The following KLF7 variants were observed in gnomAD, a reference collection of about 807,000 sequenced individuals.
The protein encoded by KLF7 is KLF transcription factor 7.
Under a neutral mutation model 27.3 loss-of-function variants are expected in KLF7, and 2 were observed. The observed-to-expected ratio is 0.07, with a 90% CI of 0.03 to 0.23. KLF7 has a LOEUF of 0.23. Ranked by LOEUF, KLF7 falls within the 10% of genes least tolerant of loss-of-function variation. The probability of loss-of-function intolerance (pLI) is 1.00; values close to 1 mark genes in which losing one functional copy is unlikely to be tolerated. For missense variants in KLF7, 221 were observed against 394.1 expected (o/e 0.56, Z 3.72); for synonymous variants, 165 against 162.4 (o/e 1.02, Z -0.12).
intron 3 of KLF7, among the ~76,000 whole-genome samples, chr2:207,087,744 C>T (rs1284291252): frequency 1.3e-5 from 2 of 152,188 alleles, no homozygotes; most frequent in Non-Finnish European, 2.9e-5. Flanking sequence ...TCACCTTGGC[C>T]TGCAGAGTCT....
Position 207,124,218 on chromosome 2 carries a change from T to A in KLF7, c.289A>T (p.Ile97Phe), listed in dbSNP as rs373445474. ...AICEKSSAVD[I>F]LLSRDKLLSE... ...AGCAACTTGTCCCGAGAGAGCAAGA[T>A]GTCCACTGCCGAGCTCTTCTCACAG... Residue 97 changes from isoleucine (I) to phenylalanine (F), a missense_variant, in exon 2 of 4, where the codon ATC becomes TTC. Transcript: ENST00000309446. 6.8e-6 allele frequency: 11 copies of A among 1,613,942 alleles called. No individual in the cohort carries two copies. The highest frequency in any genetic ancestry group is 1.7e-5 in the Admixed American group (1 of 59,998).
intron 1 of KLF7, among the ~76,000 whole-genome samples, chr2:207,164,960 C>T (rs572925738): frequency 3.2e-4 from 48 of 152,182 alleles, no homozygotes; most frequent in African/African-American, 1.1e-3. Context: ...TTGACACTCG[C>T]TAATTACTGA....
intron 2 of KLF7, among the ~76,000 whole-genome samples, chr2:207,110,245 C>G (rs960222405): frequency 6.6e-6 from 1 of 152,228 alleles, no homozygotes; most frequent in Non-Finnish European, 1.5e-5. Context: ...CAGTATGCTC[C>G]TCATGGTGCT....
chr2:207,085,204 C>T (rs940721637), intron 3 of KLF7, among the ~76,000 whole-genome samples: 2 of 131,232 alleles, frequency 1.5e-5, no homozygotes, highest in African/African-American at 5.7e-5. Context: ...GGCACACTAA[C>T]GTCACATAGG....
At chr2:207,161,633 T>C (rs1275239947) in intron 1 of KLF7, among the ~76,000 whole-genome samples, 1 of 152,214 alleles carries the variant, frequency 6.6e-6, no homozygotes, top group Non-Finnish European at 1.5e-5. Context: ...ATCCCATCCC[T>C]GGTACCATGA....
intron 2 of KLF7, among the ~76,000 whole-genome samples, chr2:207,105,963 T>G (rs960432320): frequency 1.3e-5 from 2 of 152,190 alleles, no homozygotes; most frequent in Non-Finnish European, 2.9e-5. Flanking sequence ...GATAAGGAAA[T>G]GTAAAACAGC....
intron 2 of KLF7, among the ~76,000 whole-genome samples, chr2:207,099,681 C>T (rs2076718871): frequency 6.7e-6 from 1 of 149,186 alleles, no homozygotes; most frequent in Non-Finnish European, 1.5e-5. Context: ...CTTCAGCATC[C>T]TAAATTTGTT....
intron 3 of KLF7, among the ~76,000 whole-genome samples, chr2:207,087,040 A>G (rs2076404688): frequency 6.6e-6 from 1 of 152,258 alleles, no homozygotes; most frequent in Non-Finnish European, 1.5e-5. Context: ...AAGATGGGGA[A>G]TAAGGAGAAA....
upstream of KLF7, chr2:207,166,129 C>G: frequency 1.0e-6 from 1 of 984,910 alleles, no homozygotes; most frequent in Non-Finnish European, 1.2e-6. Flanking sequence ...TCCCTCCCTC[C>G]GTTCGGTTCT....
chr2:207,112,676 A>C (rs1428114035), intron 2 of KLF7, among the ~76,000 whole-genome samples: 1 of 152,224 alleles, frequency 6.6e-6, no homozygotes, highest in Non-Finnish European at 1.5e-5. Context: ...ATTTAAAGTG[A>C]AATCTCCTTG....
chr2:207,142,336 C>T (rs548146346), intron 1 of KLF7, among the ~76,000 whole-genome samples: 168 of 152,242 alleles, frequency 1.1e-3, no homozygotes, highest in South Asian at 2.5e-3. Context: ...ACTCTGATGG[C>T]CTTTCAGGGC....
At chr2:207,102,125 T>TACA (rs1553522202) in intron 2 of KLF7, among the ~76,000 whole-genome samples, 1 of 121,228 alleles carries the variant, frequency 8.2e-6, no homozygotes, top group Non-Finnish European at 1.8e-5. Flanking sequence ...TACATTCACA[T>TACA]TCACACACAC....
chr2:207,113,621 A>G (rs113902434), intron 2 of KLF7, among the ~76,000 whole-genome samples: 934 of 66,548 alleles, frequency 0.014, 7 homozygotes, highest in Middle Eastern at 0.031. Context: ...GGGGGGGGGG[A>G]AATGATGCAG....
upstream of KLF7, among the ~76,000 whole-genome samples, chr2:207,168,170 C>G (rs1419122739): frequency 2.6e-5 from 4 of 152,046 alleles, no homozygotes; most frequent in Non-Finnish European, 5.9e-5. Flanking sequence ...TGAGGCAAGA[C>G]CAACCATATA....
intron 1 of KLF7, among the ~76,000 whole-genome samples, chr2:207,144,595 T>C (rs1243544068): frequency 6.6e-6 from 1 of 152,138 alleles, no homozygotes; most frequent in East Asian, 1.9e-4. Flanking sequence ...TGATACCCAA[T>C]GAACACAGGG....
chr2:207,140,123 G>C (rs375987131), intron 1 of KLF7, among the ~76,000 whole-genome samples: 10 of 152,078 alleles, frequency 6.6e-5, no homozygotes, highest in African/African-American at 2.2e-4. Flanking sequence ...TCTTGACCTC[G>C]TGGTCCGCCC....
At chr2:207,147,979 AT>A (rs3216674) in intron 1 of KLF7, among the ~76,000 whole-genome samples, 4,239 of 149,998 alleles carry the variant, frequency 0.028, 182 homozygotes, top group African/African-American at 0.095. Context: ...GATCTGAAGC[AT>A]TTTTTTTTTA....
At chr2:207,162,859 TAAG>T (rs1437704860) in intron 1 of KLF7, among the ~76,000 whole-genome samples, 1 of 152,236 alleles carries the variant, frequency 6.6e-6, no homozygotes, top group African/African-American at 2.4e-5. Flanking sequence ...TTGTTCACTT[TAAG>T]AAGAACATCT....
At chr2:207,103,010 C>T (rs2076803745) in intron 2 of KLF7, among the ~76,000 whole-genome samples, 1 of 152,170 alleles carries the variant, frequency 6.6e-6, no homozygotes, top group African/African-American at 2.4e-5. Context: ...CTCACCGCAA[C>T]CTCCCCTCCC....
Sources: allele counts gnomAD v4.1 joint callset (sites outside exome capture counted in the v4.1 genomes callset), GRCh38; gene constraint gnomAD v4.1.1; transcripts MANE v1.5; gene names NCBI Gene and HGNC (gene_info 2026-07-23, HGNC 2026-07-21).